The following SENP7 variants were observed in gnomAD, a reference collection of about 807,000 sequenced individuals.
SENP7 encodes the protein sentrin-specific protease 7.
SENP7 carries 64 observed loss-of-function variants against 141.2 expected under a neutral mutation model. That is an observed-to-expected ratio of 0.45 (90% confidence interval 0.37 to 0.56). The LOEUF is 0.56. SENP7 is among the 20% of genes least tolerant of loss of function. The probability of loss-of-function intolerance (pLI) is 0.00; values close to 1 mark genes in which losing one functional copy is unlikely to be tolerated. For missense variants in SENP7, 1,025 were observed against 1,212.2 expected (o/e 0.85, Z 2.29); for synonymous variants, 382 against 426.4 (o/e 0.90, Z 1.28).
At chr3:101,330,222 G>A (rs2059012540) in intron 20 of SENP7, 112 bp downstream of exon 20, 2 of 664,898 alleles carry the variant, frequency 3.0e-6, no homozygotes, top group Admixed American at 2.8e-5. Context: ...TCACAAAGCA[G>A]CACAATCTAA....
At chr3:101,372,186 A>T (rs564044505) in intron 6 of SENP7, 60 bp from the exon 7 acceptor site, 26 of 804,876 alleles carry the variant, frequency 3.2e-5, no homozygotes, top group Middle Eastern at 4.9e-4. Context: ...TTTAGAAGCC[A>T]ACTAGCATGT....
intron 11 of SENP7, among the ~76,000 whole-genome samples, chr3:101,354,572 G>A (rs1291523908): frequency 1.3e-5 from 2 of 151,948 alleles, no homozygotes; most frequent in African/African-American, 4.8e-5. Context: ...CCACATTCCC[G>A]CAAAAGACAT....
chr3:101,371,534 C>T (rs4476480), intron 7 of SENP7, among the ~76,000 whole-genome samples: 60,387 of 151,970 alleles, frequency 0.4, 12,518 homozygotes, highest in Admixed American at 0.54. Flanking sequence ...AGGAGGCCTA[C>T]AAAAAATTTT....
chr3:101,366,017 C>A lies in SENP7; in HGVS notation c.1318+413G>T, dbSNP rs148664375. ...AGTATTCACTGGAGATCCTTTAAAA[C>A]CTTTGGAATTTCTTTGTACCATGTG... On this transcript the variant is annotated intron_variant, in intron 9 of 23. Transcript: ENST00000394095. 1.7e-3 allele frequency among the ~76,000 whole-genome samples: 257 copies of A among 152,230 alleles called. No individual in the cohort carries two copies. The East Asian group carries it at 0.02, about 12-fold the overall frequency.
chr3:101,437,786 T>C (rs1011787358), intron 4 of SENP7, among the ~76,000 whole-genome samples: 7 of 152,152 alleles, frequency 4.6e-5, no homozygotes, highest in Non-Finnish European at 1.5e-5. Flanking sequence ...ATAGGGCTTG[T>C]GTAGCCGTTT....
chr3:101,474,738 G>C (rs1428719626), intron 3 of SENP7, among the ~76,000 whole-genome samples: 1 of 152,008 alleles, frequency 6.6e-6, no homozygotes, highest in African/African-American at 2.4e-5. Context: ...GATGACAGTG[G>C]GCATCCTGGT....
intron 1 of SENP7, among the ~76,000 whole-genome samples, chr3:101,511,472 G>A (rs2065855144): frequency 6.6e-6 from 1 of 152,180 alleles, no homozygotes; most frequent in Admixed American, 6.5e-5. Context: ...GCTAAGCATT[G>A]TGCGTTTTCC....
chr3:101,484,940 G>A (rs2064664866), intron 3 of SENP7, among the ~76,000 whole-genome samples: 1 of 152,032 alleles, frequency 6.6e-6, no homozygotes, highest in African/African-American at 2.4e-5. Context: ...ACAGAGACCG[G>A]CCCTTCATTT....
intron 20 of SENP7, 139 bp downstream of exon 20, chr3:101,330,195 C>G (rs1417628818): frequency 1.9e-6 from 1 of 539,966 alleles, no homozygotes; most frequent in Non-Finnish European, 3.3e-6. Context: ...CCCAGCCCCA[C>G]AAAAACTGTC....
intron 10 of SENP7, among the ~76,000 whole-genome samples, chr3:101,362,546 G>A (rs1486980685): frequency 1.3e-5 from 2 of 152,044 alleles, no homozygotes; most frequent in Admixed American, 6.6e-5. Flanking sequence ...GCTGAGGGTT[G>A]GGCTTCTATT....
intron 11 of SENP7, 133 bp from the exon 12 acceptor site, chr3:101,351,784 C>T (rs1458047177): frequency 1.2e-5 from 8 of 658,780 alleles, no homozygotes; most frequent in Non-Finnish European, 1.7e-5. Context: ...ATCAATAAAC[C>T]AATAAAATAT....
Position 101,343,961 on chromosome 3 carries a change from A to C in SENP7, c.1838-7T>G. The C allele has an allele frequency of 6.6e-7, 1 of 1,522,012 alleles. No individual in the cohort carries two copies. The highest frequency in any genetic ancestry group is 8.9e-7 in the Non-Finnish European group (1 of 1,125,778). 94.3% of individuals were successfully genotyped at this position (1,522,012 alleles called of 1,614,324 possible). A position where few individuals can be genotyped will look rare whatever the true frequency, so the allele number is the denominator to read the frequency against. ...ATGAATTCACTAGATTTTGCTACAA[A>C]AGGAAAAAATAATTTGTATCAATAG... On this transcript the variant is annotated splice_region_variant and splice_polypyrimidine_tract_variant and intron_variant, in intron 13 of 23. Transcript: ENST00000394095.
intron 4 of SENP7, among the ~76,000 whole-genome samples, chr3:101,435,157 G>A (rs911964657): frequency 6.6e-6 from 1 of 151,998 alleles, no homozygotes; most frequent in African/African-American, 2.4e-5. Context: ...TCAACAGAAT[G>A]AAGGATAAAA....
intron 4 of SENP7, among the ~76,000 whole-genome samples, chr3:101,438,918 C>A (rs1469785776): frequency 6.9e-6 from 1 of 144,634 alleles, no homozygotes. Context: ...CTTGGCCTCC[C>A]AAAGTGCCGA....
At chr3:101,441,226 A>C (rs2062658483) in intron 4 of SENP7, among the ~76,000 whole-genome samples, 1 of 152,206 alleles carries the variant, frequency 6.6e-6, no homozygotes, top group Admixed American at 6.5e-5. Flanking sequence ...AGTACTGGCC[A>C]GGCCCACTCA....
chr3:101,462,168 T>C (rs2063567490), intron 3 of SENP7, among the ~76,000 whole-genome samples: 1 of 152,216 alleles, frequency 6.6e-6, no homozygotes. Context: ...ACGGCTAACA[T>C]GGTAAATTTT....
intron 4 of SENP7, among the ~76,000 whole-genome samples, chr3:101,444,702 T>G (rs962076987): frequency 1.8e-4 from 22 of 124,878 alleles, no homozygotes; most frequent in Admixed American, 3.3e-4. Context: ...TGAGAACACA[T>G]GGACACAGGA....
intron 4 of SENP7, among the ~76,000 whole-genome samples, chr3:101,446,219 C>T (rs1316070032): frequency 1.3e-5 from 2 of 152,196 alleles, no homozygotes; most frequent in African/African-American, 2.4e-5. Flanking sequence ...TGTAAGTTTC[C>T]TGAGGCTTCC....
chr3:101,460,404 A>G (rs1418138556), intron 3 of SENP7, among the ~76,000 whole-genome samples: 1 of 152,238 alleles, frequency 6.6e-6, no homozygotes, highest in Non-Finnish European at 1.5e-5. Context: ...TCTAGGACCA[A>G]TAATTGATTT....
Sources: gnomAD v4.1 joint callset for allele counts (sites outside exome capture counted in the v4.1 genomes callset) on GRCh38, gnomAD v4.1.1 for gene constraint, MANE v1.5 for transcripts, NCBI Gene and HGNC (gene_info 2026-07-23, HGNC 2026-07-21) for gene names.